Variants in CNBD1 observed in about 807,000 individuals in gnomAD.
CNBD1 encodes cyclic nucleotide binding domain containing 1.
CNBD1 carries 71 observed loss-of-function variants against 54.4 expected under a neutral mutation model. The observed-to-expected ratio is 1.30, with a 90% CI of 1.08 to 1.59. The LOEUF is 1.59. Among genes scored for constraint, CNBD1 ranks in the 40% most tolerant of loss-of-function variants. The pLI is 0.00. For synonymous variants in CNBD1, 182 were observed against 170.7 expected, an observed-to-expected ratio of 1.07 and a Z score of -0.51; for missense variants, 659 against 518.0, an observed-to-expected ratio of 1.27 and a Z score of -2.64.
chr8:87,188,288 A>G (rs964211733), intron 4 of CNBD1, among the ~76,000 whole-genome samples: 19 of 152,186 alleles, frequency 1.2e-4, no homozygotes, highest in African/African-American at 4.6e-4. Flanking sequence ...TCTCTTTCAC[A>G]TGCATAAGTT....
intron 6 of CNBD1, among the ~76,000 whole-genome samples, chr8:87,269,325 C>T (rs1808319723): frequency 1.3e-5 from 2 of 151,966 alleles, no homozygotes; most frequent in Admixed American, 1.3e-4. Flanking sequence ...TTACTATAGC[C>T]TTATAGTATA....
intron 4 of CNBD1, among the ~76,000 whole-genome samples, chr8:87,170,647 T>A (rs1317587233): frequency 6.6e-6 from 1 of 152,126 alleles, no homozygotes; most frequent in Non-Finnish European, 1.5e-5. Context: ...TTTTTTGGTT[T>A]TTGTTATGTT....
chr8:86,930,657 G>T (rs759671070), intron 3 of CNBD1, among the ~76,000 whole-genome samples: 1 of 152,162 alleles, frequency 6.6e-6, no homozygotes, highest in Non-Finnish European at 1.5e-5. Flanking sequence ...TTGAGAGAGC[G>T]GGGTATAGAG....
intron 4 of CNBD1, among the ~76,000 whole-genome samples, chr8:87,200,050 G>C (rs1001380122): frequency 6.6e-6 from 1 of 151,514 alleles, no homozygotes; most frequent in African/African-American, 2.4e-5. Context: ...CCAATAAAAT[G>C]GTTTTTAAAA....
chr8:87,066,349 A>G (rs1810653852), intron 4 of CNBD1, among the ~76,000 whole-genome samples: 2 of 151,942 alleles, frequency 1.3e-5, no homozygotes. Flanking sequence ...ACACTACCCC[A>G]GTCTCCAGTC....
At chr8:87,376,359 C>T (rs1364562975) in intron 10 of CNBD1, among the ~76,000 whole-genome samples, 1 of 151,764 alleles carries the variant, frequency 6.6e-6, no homozygotes, top group African/African-American at 2.4e-5. Flanking sequence ...GACAAGGGTA[C>T]TAATTCCTAA....
chr8:87,003,777 C>G (rs934093838), intron 4 of CNBD1, among the ~76,000 whole-genome samples: 13 of 152,134 alleles, frequency 8.5e-5, no homozygotes, highest in Non-Finnish European at 1.2e-4. Flanking sequence ...CTAGGGTCAC[C>G]TGCTGGCTGT....
chr8:87,257,951 T>A (rs902363232), intron 6 of CNBD1, among the ~76,000 whole-genome samples: 2 of 152,196 alleles, frequency 1.3e-5, no homozygotes, highest in African/African-American at 4.8e-5. Flanking sequence ...CAGCATATAC[T>A]CAGACATATT....
chr8:87,034,945 T>C (rs574225403), intron 4 of CNBD1, among the ~76,000 whole-genome samples: 1 of 152,082 alleles, frequency 6.6e-6, no homozygotes, highest in African/African-American at 2.4e-5. Context: ...CTCTGGATAA[T>C]TTTTTTTCTG....
At chr8:87,302,300 G>A (rs1249043215) in intron 8 of CNBD1, among the ~76,000 whole-genome samples, 1 of 152,046 alleles carries the variant, frequency 6.6e-6, no homozygotes, top group Non-Finnish European at 1.5e-5. Flanking sequence ...ATGATCAAGT[G>A]GGCTTCATCG....
chr8:86,893,154 G>C (rs991259814), intron 2 of CNBD1, among the ~76,000 whole-genome samples: 4 of 152,202 alleles, frequency 2.6e-5, no homozygotes, highest in African/African-American at 9.6e-5. Context: ...AATGTGGGCA[G>C]AGATAGGTGG....
intron 2 of CNBD1, among the ~76,000 whole-genome samples, chr8:87,413,207 C>G (rs1807778086): frequency 6.6e-6 from 1 of 152,008 alleles, no homozygotes; most frequent in South Asian, 2.1e-4. Context: ...TTACAGCTAT[C>G]TGGGAACAAA....
chr8:87,144,637 C>T (rs188887387), intron 4 of CNBD1, among the ~76,000 whole-genome samples: 2 of 152,086 alleles, frequency 1.3e-5, no homozygotes, highest in African/African-American at 4.8e-5. Context: ...GTGTGACCAA[C>T]ATGGAGAAAC....
chr8:87,258,347 T>A (rs556050630), intron 6 of CNBD1, among the ~76,000 whole-genome samples: 30 of 152,218 alleles, frequency 2.0e-4, no homozygotes, highest in African/African-American at 6.7e-4. Context: ...TTGCAAGCAG[T>A]CTGTCTTTTG....
At chr8:86,881,956 G>A (rs1808611903) in intron 1 of CNBD1, among the ~76,000 whole-genome samples, 1 of 152,056 alleles carries the variant, frequency 6.6e-6, no homozygotes, top group African/African-American at 2.4e-5. Context: ...GGAAAACTGG[G>A]TACTGGGAAA....
intron 4 of CNBD1, among the ~76,000 whole-genome samples, chr8:87,204,936 G>C (rs1364352466): frequency 6.6e-6 from 1 of 151,688 alleles, no homozygotes; most frequent in African/African-American, 2.4e-5. Flanking sequence ...TCTCAGGACT[G>C]TATACTAAGC....
intron 8 of CNBD1, among the ~76,000 whole-genome samples, chr8:87,350,890 G>T (rs960644112): frequency 3.3e-5 from 5 of 151,848 alleles, no homozygotes; most frequent in Non-Finnish European, 7.4e-5. Flanking sequence ...ATTTTAATAC[G>T]TTGATAGTTA....
At chr8:87,143,858 T>G (rs1380317830) in intron 4 of CNBD1, among the ~76,000 whole-genome samples, 1 of 152,200 alleles carries the variant, frequency 6.6e-6, no homozygotes, top group Non-Finnish European at 1.5e-5. Flanking sequence ...AACATTATTT[T>G]AAGACAAAAC....
intron 2 of CNBD1, among the ~76,000 whole-genome samples, chr8:86,893,253 A>C (rs1226940659): frequency 3.3e-5 from 5 of 152,128 alleles, no homozygotes; most frequent in African/African-American, 1.2e-4. Context: ...TAACGTGTAC[A>C]CTCTTATAGC....
Sources: allele counts gnomAD v4.1 joint callset (sites outside exome capture counted in the v4.1 genomes callset), GRCh38; gene constraint gnomAD v4.1.1; transcripts MANE v1.5; gene names NCBI Gene and HGNC (gene_info 2026-07-23, HGNC 2026-07-21).